The following TMTC4 variants were observed in gnomAD, a reference collection of about 807,000 sequenced individuals.
TMTC4 encodes the protein transmembrane O-mannosyltransferase targeting cadherins 4, also known as protein O-mannosyl-transferase TMTC4.
In TMTC4, 65 loss-of-function variants were observed where a neutral mutation model predicts 86.0. The observed-to-expected ratio is 0.76, with a 90% CI of 0.62 to 0.93. TMTC4 has a LOEUF of 0.93. Ranked by LOEUF, TMTC4 falls within the 40% of genes least tolerant of loss-of-function variation. TMTC4 has a pLI of 0.00. For synonymous variants in TMTC4, 379 were observed against 382.5 expected, an observed-to-expected ratio of 0.99 and a Z score of 0.11; for missense variants, 866 against 948.1, an observed-to-expected ratio of 0.91 and a Z score of 1.14.
At position 100,663,022 on chromosome 13, in the gene TMTC4, G is replaced by C. The variant is rs770463725; in HGVS notation, c.494C>G (p.Pro165Arg). 1 of 1,614,190 alleles carries C rather than the reference G, an allele frequency of 6.2e-7. No homozygotes were observed. The highest frequency in any genetic ancestry group is 8.5e-7 in the Non-Finnish European group (1 of 1,180,026). ...TSKGRRLHLA[P>R]RASLLAALLF... Reference sequence around the variant, plus strand: ...CAGCGCGGCCAGCAGGGACGCCCTGGGGGCGAGGTGCAGCCTCCGGCCTTT... The same window carrying C: ...CAGCGCGGCCAGCAGGGACGCCCTGCGGGCGAGGTGCAGCCTCCGGCCTTT... Residue 165 changes from proline to arginine, a missense_variant, in exon 5 of 19, where the codon CCC (proline) becomes CGC (arginine). Coordinates refer to ENST00000342624, the MANE Select transcript of TMTC4 (RefSeq NM_032813.5).
chr13:100,651,270 G>C (rs1884398570), intron 6 of TMTC4, among the ~76,000 whole-genome samples: 1 of 152,112 alleles, frequency 6.6e-6, no homozygotes, highest in African/African-American at 2.4e-5. Flanking sequence ...TTTCCAATCT[G>C]AAATACCAGG....
At chr13:100,612,665 A>G (rs879592220) in intron 16 of TMTC4, among the ~76,000 whole-genome samples, 155 bp from the exon 17 acceptor site, 2,354 of 115,174 alleles carry the variant, frequency 0.02, 46 homozygotes, top group African/African-American at 0.051. Flanking sequence ...ACACACACAC[A>G]CACACACACA....
At chr13:100,627,239 G>A (rs1880689929) in intron 12 of TMTC4, among the ~76,000 whole-genome samples, 1 of 152,212 alleles carries the variant, frequency 6.6e-6, no homozygotes. Flanking sequence ...GCGCTCGCAG[G>A]GAACCCTGAG....
intron 17 of TMTC4, 84 bp from the exon 18 acceptor site, chr13:100,606,511 A>G: frequency 1.7e-6 from 2 of 1,159,088 alleles, no homozygotes; most frequent in Middle Eastern, 2.2e-4. Flanking sequence ...TACGGTTTTC[A>G]AACTTTTAAC....
chr13:100,665,364 T>C (rs981447183), intron 3 of TMTC4, among the ~76,000 whole-genome samples: 1 of 152,218 alleles, frequency 6.6e-6, no homozygotes, highest in African/African-American at 2.4e-5. Context: ...TTCCCCGGGT[T>C]GTCCATCAAG....
chr13:100,646,198 G>A (rs913922930), intron 6 of TMTC4, among the ~76,000 whole-genome samples: 4 of 152,178 alleles, frequency 2.6e-5, no homozygotes, highest in African/African-American at 9.7e-5. Context: ...GCACCCTCTT[G>A]AGAGTAAGCC....
intron 6 of TMTC4, 31 bp from the exon 7 acceptor site, chr13:100,642,342 A>C (rs772448358): frequency 8.7e-6 from 14 of 1,611,304 alleles, no homozygotes; most frequent in Middle Eastern, 1.7e-4. Context: ...TCAGTGCAAA[A>C]GTCATGGAAT....
chr13:100,665,918 T>G, intron 3 of TMTC4: 1 of 430,904 alleles, frequency 2.3e-6, no homozygotes, highest in Non-Finnish European at 4.7e-6. Flanking sequence ...GTGAAGGTCA[T>G]GTGAGGCACC....
At position 100,670,446 on chromosome 13, in the gene TMTC4, A is replaced by T; in HGVS notation, c.-84T>A. 6.8e-7 allele frequency: 1 copy of T among 1,472,148 alleles called. No homozygotes were observed. The highest frequency in any genetic ancestry group is 1.3e-5 in the South Asian group (1 of 79,884). 91.2% of individuals were successfully genotyped at this position (1,472,148 alleles called of 1,614,324 possible). A position where few individuals can be genotyped will look rare whatever the true frequency, so the allele number is the denominator to read the frequency against. On this transcript the variant is annotated 5_prime_UTR_variant, in exon 2 of 19. Transcript: ENST00000342624. ...AGATGAAACAGGCCGCAACTCTTCC[A>T]CTGCTTGTCTCTCGAGCCTCACAGC... is the stretch of plus-strand genomic sequence containing the variant.
In TMTC4 at chr13:100,605,517, AC is replaced by A. The variant is rs549771684; in HGVS notation, c.2135-376del. 3.9e-5 allele frequency among the ~76,000 whole-genome samples: 6 copies of A among 152,324 alleles called. No homozygotes were observed. In the South Asian group the frequency reaches 1.2e-3, roughly 32 times the overall value. ...ATGCTAGGCACTGCCCAGAGCCCTG[AC>A]TATGCAGAAGTTCAGCTGTTTATTT... On this transcript the variant is annotated intron_variant, in intron 18 of 18. Transcript: ENST00000342624. This position sits in a 1 kb window ranked among gnomAD's most constrained non-coding sequence, Gnocchi z 4.3.
chr13:100,616,206 G>A (rs1369586301), intron 15 of TMTC4, among the ~76,000 whole-genome samples: 2 of 151,908 alleles, frequency 1.3e-5, no homozygotes, highest in East Asian at 3.9e-4. Flanking sequence ...ATGAATGCAT[G>A]TTTTGGTTTT....
intron 1 of TMTC4, among the ~76,000 whole-genome samples, chr13:100,670,954 AAAC>A (rs1887021232): frequency 2.6e-5 from 4 of 152,362 alleles, no homozygotes; most frequent in Admixed American, 1.3e-4. Context: ...ACCCTGTCTC[AAAC>A]AACAACAAAG....
At chr13:100,675,028 G>A (rs1887692513), upstream of TMTC4, 1 of 985,688 alleles carries the variant, frequency 1.0e-6, no homozygotes, top group Admixed American at 6.1e-5. Flanking sequence ...AGGCCAGGGG[G>A]CGCTAGTCGG....
chr13:100,652,832 G>C (rs1252442018), intron 6 of TMTC4, among the ~76,000 whole-genome samples: 1 of 152,210 alleles, frequency 6.6e-6, no homozygotes, highest in African/African-American at 2.4e-5. Context: ...AAATATACTG[G>C]AGTTACGGTA....
intron 15 of TMTC4, chr13:100,624,054 T>C (rs1880019549): frequency 8.6e-6 from 2 of 232,726 alleles, no homozygotes; most frequent in Middle Eastern, 1.1e-3. Flanking sequence ...AGGCTGGGCA[T>C]GGTGGCTCAT....
chr13:100,605,149 T>G lies in TMTC4; in HGVS notation c.2135-7A>C. ...CAACGATGATAAAGCACAGCTGAAATAGCAGGAGATAAATTTCACTGGGAA... is the reference window on the plus strand; with the variant it reads ...CAACGATGATAAAGCACAGCTGAAAGAGCAGGAGATAAATTTCACTGGGAA... On this transcript the variant is annotated splice_polypyrimidine_tract_variant and splice_region_variant and intron_variant, in intron 18 of 18. Transcript: ENST00000342624. The surrounding 1 kb of genome is among the most constrained non-coding windows in gnomAD (Gnocchi z 4.3). 3 of 1,607,520 alleles carry G rather than the reference T, an allele frequency of 1.9e-6. No homozygotes were observed. Among genetic ancestry groups the G allele is most frequent in the Non-Finnish European group, 2.5e-6 (3 of 1,177,426 alleles).
chr13:100,641,091 T>C (rs1415271812), intron 7 of TMTC4, among the ~76,000 whole-genome samples: 1 of 152,040 alleles, frequency 6.6e-6, no homozygotes, highest in African/African-American at 2.4e-5. Context: ...TACAGTTTTT[T>C]TCCAGGAAAA....
chr13:100,662,911 G>C, intron 5 of TMTC4, 53 bp downstream of exon 5: 3 of 1,588,256 alleles, frequency 1.9e-6, no homozygotes, highest in Non-Finnish European at 2.6e-6. Context: ...CGACATGGGG[G>C]TGTCATATCG....
chr13:100,642,105 T>G (rs867613495), intron 7 of TMTC4, 106 bp downstream of exon 7: 1 of 1,131,054 alleles, frequency 8.8e-7, no homozygotes, highest in Non-Finnish European at 1.3e-6. Context: ...AGCAATGGGA[T>G]GTAGGCGTGG....
Sources: gnomAD v4.1 joint callset for allele counts (sites outside exome capture counted in the v4.1 genomes callset) on GRCh38, gnomAD v4.1.1 for gene constraint, Gnocchi (gnomAD v3.1) non-coding constraint, MANE v1.5 for transcripts, NCBI Gene and HGNC (gene_info 2026-07-23, HGNC 2026-07-21) for gene names.